OR1L8: variants seen among roughly 807,000 people sequenced by gnomAD.
OR1L8 encodes olfactory receptor family 1 subfamily L member 8.
For missense variants in OR1L8, 330 were observed against 377.4 expected, an observed-to-expected ratio of 0.87 and a Z score of 1.04; for synonymous variants, 148 against 147.0, an observed-to-expected ratio of 1.01 and a Z score of -0.05.
chr9:122,567,612 A>G lies in OR1L8; in HGVS notation c.866T>C (p.Ile289Thr), dbSNP rs1225723231. The G allele has an allele frequency of 6.2e-7, 1 of 1,613,078 alleles. No homozygotes were observed. The highest frequency in any genetic ancestry group is 8.5e-7 in the Non-Finnish European group (1 of 1,179,728). Residue 289 changes from isoleucine to threonine, a missense_variant, in exon 5 of 5, where the codon ATC becomes ACC. Coordinates refer to ENST00000641027, the MANE Select transcript of OR1L8 (RefSeq NM_001004454.2). ...CAGGTCTTTGTTTCTCAGGCTGTAG[A>G]TAAAAGGATTGAGCATGGATGACAA... ...TVLSSMLNPF[I>T]YSLRNKDLKQ...
At position 122,568,582 on chromosome 9, in the gene OR1L8, C is replaced by A; in HGVS notation, c.-105G>T. 1 of 694,208 alleles carries A rather than the reference C, an allele frequency of 1.4e-6. No individual in the cohort carries two copies. The highest frequency in any genetic ancestry group is 2.4e-6 in the Non-Finnish European group (1 of 415,554). 43.0% of individuals were successfully genotyped at this position (694,208 alleles called of 1,614,324 possible). Reference sequence around the variant, plus strand: ...CAAGTCTTTGTTTCTTCTGTTTGGTCACAATTAGCTACTGTGCTAATTGTG... The same window carrying A: ...CAAGTCTTTGTTTCTTCTGTTTGGTAACAATTAGCTACTGTGCTAATTGTG... On this transcript the variant is annotated 5_prime_UTR_variant, in exon 5 of 5. Coordinates refer to ENST00000641027, the MANE Select transcript of OR1L8 (RefSeq NM_001004454.2).
downstream of OR1L8, among the ~76,000 whole-genome samples, chr9:122,562,295 C>G (rs368982110): frequency 6.6e-6 from 1 of 152,248 alleles, no homozygotes; most frequent in African/African-American, 2.4e-5. Context: ...CTGCCCCTCC[C>G]GCAGGGAGCT....
the OR1L8 span, among the ~76,000 whole-genome samples, chr9:122,555,812 A>G: frequency 1.3e-5 from 2 of 152,264 alleles, no homozygotes; most frequent in East Asian, 3.9e-4. Context: ...CACACGCACA[A>G]TCTCCCGAAC....
intron 3 of OR1L8, among the ~76,000 whole-genome samples, chr9:122,575,500 ATTTC>A (rs765374956): frequency 3.3e-5 from 5 of 151,950 alleles, no homozygotes; most frequent in East Asian, 1.9e-4. Flanking sequence ...TGTTCATAGT[ATTTC>A]TTTATTTTCT....
At chr9:122,548,263 GTAGT>G in the OR1L8 span, among the ~76,000 whole-genome samples, 1 of 152,178 alleles carries the variant, frequency 6.6e-6, no homozygotes, top group East Asian at 1.9e-4. Flanking sequence ...TTGGGCTGGG[GTAGT>G]TAATTGGGTG....
chr9:122,568,335 A>G lies in OR1L8; in HGVS notation c.143T>C (p.Leu48Pro). 2.5e-6 allele frequency: 4 copies of G among 1,614,196 alleles called. No individual in the cohort carries two copies. The highest frequency in any genetic ancestry group is 3.4e-6 in the Non-Finnish European group (4 of 1,180,020). The change falls in exon 5 of 5, where the codon CTG becomes CCG. Residue 48 changes from leucine (L) to proline (P), a missense_variant. Leu to Pro is a moderately conservative substitution (Grantham distance 98). Coordinates refer to ENST00000641027, the MANE Select transcript of OR1L8 (RefSeq NM_001004454.2). Reference protein sequence around the residue: ...VTITGNLLIILAIRFNPHLQT... With the variant: ...VTITGNLLIIPAIRFNPHLQT... Reference sequence around the variant, plus strand: ...AAGATGGGGGTTGAAGCGAATGGCCAGGATGATGAGCAGGTTCCCTGTTAT... The same window carrying G: ...AAGATGGGGGTTGAAGCGAATGGCCGGGATGATGAGCAGGTTCCCTGTTAT...
chr9:122,554,182 T>A, the OR1L8 span: 1 of 1,568,558 alleles, frequency 6.4e-7, no homozygotes, highest in Non-Finnish European at 8.7e-7. Context: ...TAGACGGTGA[T>A]GTCTAATCTT....
At chr9:122,573,863 T>C (rs1829595354) in intron 3 of OR1L8, among the ~76,000 whole-genome samples, 1 of 152,250 alleles carries the variant, frequency 6.6e-6, no homozygotes, top group East Asian at 1.9e-4. Flanking sequence ...CCTCTATGAG[T>C]TTCACAGTTT....
At chr9:122,572,579 G>GC (rs1564201947) in intron 4 of OR1L8, among the ~76,000 whole-genome samples, 1 of 147,974 alleles carries the variant, frequency 6.8e-6, no homozygotes, top group African/African-American at 2.5e-5. Flanking sequence ...TTTGGGTTTG[G>GC]TTTTTTTTTT....
rs1405704460 is a variant in OR1L8, at chr9:122,583,311, A to T, written c.-600+10T>A. 6.6e-6 allele frequency: 1 copy of T among 151,940 alleles called. No individual in the cohort carries two copies. Among genetic ancestry groups the T allele is most frequent in the Non-Finnish European group, 1.5e-5 (1 of 67,974 alleles). 9.4% of individuals were successfully genotyped at this position (151,940 alleles called of 1,614,324 possible). On this transcript the variant is annotated intron_variant, in intron 1 of 4. Coordinates refer to ENST00000641027, the MANE Select transcript of OR1L8 (RefSeq NM_001004454.2). ...ACAAAAAAAAAAACAGTAAAATATG[A>T]GAAACTCACAGTCAAGAGAAGCCGA... is the stretch of plus-strand genomic sequence containing the variant.
At chr9:122,553,191 A>G in the OR1L8 span, 1 of 1,611,256 alleles carries the variant, frequency 6.2e-7, no homozygotes. Context: ...TTATCTGCGC[A>G]GATCACACGA....
At chr9:122,580,775 T>C (rs996043828) in intron 1 of OR1L8, among the ~76,000 whole-genome samples, 5 of 149,116 alleles carry the variant, frequency 3.4e-5, no homozygotes, top group African/African-American at 1.2e-4. Flanking sequence ...TTGTGTTGTA[T>C]TTGTTTTTTG....
chr9:122,573,203 G>T (rs1010792253), intron 3 of OR1L8, among the ~76,000 whole-genome samples: 1 of 152,166 alleles, frequency 6.6e-6, no homozygotes, highest in Non-Finnish European at 1.5e-5. Context: ...TTTGTCCTGT[G>T]ATCTCCCTCA....
the OR1L8 span, among the ~76,000 whole-genome samples, chr9:122,559,540 A>G: frequency 6.6e-6 from 1 of 152,200 alleles, no homozygotes; most frequent in East Asian, 1.9e-4. Flanking sequence ...GTTTTAATTG[A>G]ATACAAAGAA....
intron 4 of OR1L8, among the ~76,000 whole-genome samples, chr9:122,571,991 C>G (rs1829561585): frequency 6.6e-6 from 1 of 152,152 alleles, no homozygotes; most frequent in South Asian, 2.1e-4. Flanking sequence ...CTTGCAGTTT[C>G]TGATTCTGGG....
chr9:122,563,186 T>TTG (rs1282523435), downstream of OR1L8, among the ~76,000 whole-genome samples: 2,803 of 75,432 alleles, frequency 0.037, 78 homozygotes, highest in African/African-American at 0.13. Flanking sequence ...CATTTGTTAT[T>TTG]TTTTTTTTTG....
At chr9:122,553,312 T>C in the OR1L8 span, 1 of 1,614,056 alleles carries the variant, frequency 6.2e-7, no homozygotes, top group Non-Finnish European at 8.5e-7. Flanking sequence ...TTTGGCATCT[T>C]CCTTGGCATG....
the OR1L8 span, among the ~76,000 whole-genome samples, chr9:122,562,009 G>A: frequency 6.6e-6 from 1 of 152,192 alleles, no homozygotes; most frequent in Non-Finnish European, 1.5e-5. Context: ...CCAGGGAGAT[G>A]AGAGTTCTGT....
At chr9:122,573,856 CTA>C (rs1222572181) in intron 3 of OR1L8, among the ~76,000 whole-genome samples, 3 of 152,148 alleles carry the variant, frequency 2.0e-5, no homozygotes, top group Admixed American at 1.3e-4. Flanking sequence ...ATGTTATCCT[CTA>C]TGAGTTTCAC....
Sources: allele counts gnomAD v4.1 joint callset (sites outside exome capture counted in the v4.1 genomes callset), GRCh38; gene constraint gnomAD v4.1.1; transcripts MANE v1.5; gene names NCBI Gene and HGNC (gene_info 2026-07-23, HGNC 2026-07-21).